The following CARD14 variants were observed in gnomAD, a reference collection of about 807,000 sequenced individuals.
CARD14 encodes caspase recruitment domain family member 14.
A neutral mutation model predicts 111.5 loss-of-function variants in CARD14; 107 were observed. The ratio of observed to expected loss-of-function variants is 0.96; its 90% confidence interval spans 0.82 to 1.13. The LOEUF (loss-of-function observed/expected upper bound fraction) is 1.13, where lower values mean the gene tolerates loss of function less well. CARD14 is among the 50% of genes most tolerant of loss of function. The probability of loss-of-function intolerance (pLI) is 0.00; values close to 1 mark genes in which losing one functional copy is unlikely to be tolerated. For missense variants in CARD14, 1,322 were observed against 1,362.3 expected (o/e 0.97, Z 0.47); for synonymous variants, 617 against 579.6 (o/e 1.06, Z -0.93).
chr17:80,190,043 G>A (rs947437472), intron 9 of CARD14, among the ~76,000 whole-genome samples, 171 bp downstream of exon 9: 6 of 152,008 alleles, frequency 3.9e-5, no homozygotes, highest in African/African-American at 7.2e-5. Context: ...CCTAAGCACC[G>A]ACTCGCACCC....
At chr17:80,177,742 A>G (rs776942645) in intron 2 of CARD14, among the ~76,000 whole-genome samples, 12 of 152,212 alleles carry the variant, frequency 7.9e-5, no homozygotes, top group Non-Finnish European at 1.8e-4. Context: ...ACAAGGTCTC[A>G]CTGTGTTGCC....
chr17:80,187,108 C>T (rs114342049), intron 7 of CARD14, among the ~76,000 whole-genome samples: 1,875 of 152,372 alleles, frequency 0.012, 44 homozygotes, highest in African/African-American at 0.042. Context: ...CCATGCCCTG[C>T]GGCTTTTTCT....
chr17:80,194,837 T>G (rs1322071567), intron 12 of CARD14, among the ~76,000 whole-genome samples: 1 of 152,170 alleles, frequency 6.6e-6, no homozygotes, highest in Admixed American at 6.5e-5. Context: ...CATGTGGGGA[T>G]TATTACAATT....
At position 80,198,590 on chromosome 17, in the gene CARD14, T is replaced by C. The variant is rs145521869; in HGVS notation, c.1850T>C (p.Met617Thr). The change falls in exon 16 of 24, where the codon ATG (methionine) becomes ACG (threonine). Residue 617 changes from methionine to threonine, a missense_variant and splice_region_variant. Met to Thr is a moderately conservative substitution (Grantham distance 81, BLOSUM62 -1). Transcript: ENST00000648509. The surrounding 1 kb of genome is among the most constrained non-coding windows in gnomAD (Gnocchi z 7.5). ...MALRPGTQIV[M>T]VDYEASEPLF... ...TTGCGCCCGGGCACCCAGATTGTGA[T>C]GGTGAGCCGTGCGAGGCCCCTCCTG... The C allele has an allele frequency of 2.7e-5, 43 of 1,611,738 alleles. No individual in the cohort carries two copies. Among genetic ancestry groups the C allele is most frequent in the Middle Eastern group, 1.7e-4 (1 of 6,058 alleles).
intron 2 of CARD14, among the ~76,000 whole-genome samples, chr17:80,174,443 C>A (rs1016544141): frequency 6.6e-6 from 1 of 152,116 alleles, no homozygotes; most frequent in African/African-American, 2.4e-5. Context: ...GAACTCCTGA[C>A]CTCAGGCGAC....
rs555432227 is a variant in CARD14 at position 80,198,034 on chromosome 17, A to T, written c.1595-65A>T. 28 of 1,507,756 alleles carry T rather than the reference A, an allele frequency of 1.9e-5. No individual in the cohort carries two copies. In the South Asian group the frequency reaches 3.2e-4, roughly 17 times the overall value. The allele number at this position is 1,507,756 out of a possible 1,614,324, so 93.4% of individuals were successfully genotyped here. ...GTGAAGAAGGGGCTGAGGTTACAGGAGGTTACAGGACGCCCCATCAGCAGT... is the reference window on the plus strand; with the variant it reads ...GTGAAGAAGGGGCTGAGGTTACAGGTGGTTACAGGACGCCCCATCAGCAGT... On this transcript the variant is annotated intron_variant, in intron 14 of 23. Transcript: ENST00000648509. This position sits in a 1 kb window ranked among gnomAD's most constrained non-coding sequence, Gnocchi z 7.5.
intron 4 of CARD14, 108 bp downstream of exon 4, chr17:80,179,409 G>A (rs746206555): frequency 6.6e-6 from 1 of 152,228 alleles, no homozygotes; most frequent in South Asian, 2.1e-4. Context: ...AAGCCGTACA[G>A]CCTTGCACAG....
Position 80,184,033 on chromosome 17 carries a change from A to G in CARD14, c.470A>G (p.Gln157Arg). 1 of 1,587,494 alleles carries G rather than the reference A, an allele frequency of 6.3e-7. No homozygotes were observed. Among genetic ancestry groups the G allele is most frequent in the Non-Finnish European group, 8.6e-7 (1 of 1,166,862 alleles). Residue 157 changes from glutamine (Q) to arginine (R), a missense_variant, in exon 7 of 24, where the codon CAG becomes CGG. Physicochemically the swap from Gln to Arg is conservative, Grantham distance 43. Coordinates refer to ENST00000648509, the MANE Select transcript of CARD14 (RefSeq NM_001366385.1). ...EVLLRRCQQL[Q>R]EHLGLAETRA... is the part of the protein sequence containing the mutation. ...CTGCTGCGGCGGTGCCAGCAGCTGC[A>G]GGAGCACCTGGGCCTGGCCGAGACC...
chr17:80,204,772 C>T, intron 20 of CARD14: 1 of 472,698 alleles, frequency 2.1e-6, no homozygotes, highest in Non-Finnish European at 3.7e-6. Context: ...CTCCCTTGGG[C>T]CTATAGGAAA....
intron 14 of CARD14, among the ~76,000 whole-genome samples, chr17:80,197,771 A>G (rs74000614): frequency 0.011 from 1,719 of 152,344 alleles, 26 homozygotes; most frequent in African/African-American, 0.038. Flanking sequence ...AACTCATTCA[A>G]ATATCACAAA....
rs1350847074 is a variant in CARD14 at position 80,205,580 on chromosome 17, C to T, written c.2619C>T (p.Ile873=). 1.0e-5 allele frequency: 16 copies of T among 1,575,378 alleles called. No homozygotes were observed. Among genetic ancestry groups the T allele is most frequent in the Admixed American group, 1.8e-5 (1 of 54,482 alleles). ...EYEAWSQRGD[I]IQEGEVSGGR... ...AGGCCTGGAGCCAGAGAGGGGACAT[C>T]ATCCAGGAGGGAGAGGTGTCCGGGG... Residue 873 remains isoleucine (I), a synonymous_variant, in exon 22 of 24, where the codon ATC becomes ATT. Transcript: ENST00000648509.
At chr17:80,181,780 G>A in intron 5 of CARD14, 131 bp downstream of exon 5, 2 of 785,622 alleles carry the variant, frequency 2.5e-6, no homozygotes, top group South Asian at 3.7e-5. Flanking sequence ...TGCCTTTAGG[G>A]CCCACCTGGA....
chr17:80,201,620 T>C lies in CARD14; in HGVS notation c.1852-124T>C, dbSNP rs965005028. 1 of 967,054 alleles carries C rather than the reference T, an allele frequency of 1.0e-6. No homozygotes were observed. Among genetic ancestry groups the C allele is most frequent in the Non-Finnish European group, 1.6e-6 (1 of 607,050 alleles). 59.9% of individuals were successfully genotyped at this position (967,054 alleles called of 1,614,324 possible). Reference sequence around the variant, plus strand: ...GTGTGGCTTTGTTTTGACCAAGGCGTGCAGGCAGTGGTCCTACGGCAGGGC... The same window carrying C: ...GTGTGGCTTTGTTTTGACCAAGGCGCGCAGGCAGTGGTCCTACGGCAGGGC... On this transcript the variant is annotated intron_variant, in intron 16 of 23. Transcript: ENST00000648509. The surrounding 1 kb of genome is among the most constrained non-coding windows in gnomAD (Gnocchi z 5.0).
intron 10 of CARD14, among the ~76,000 whole-genome samples, 179 bp downstream of exon 10, chr17:80,191,078 G>A (rs1367451540): frequency 6.6e-6 from 1 of 152,218 alleles, no homozygotes; most frequent in Non-Finnish European, 1.5e-5. Context: ...TCCACATGCT[G>A]TCTCTATCAT....
chr17:80,176,189 G>A (rs1214916651), intron 2 of CARD14, among the ~76,000 whole-genome samples: 2 of 149,182 alleles, frequency 1.3e-5, no homozygotes, highest in Non-Finnish European at 3.0e-5. Flanking sequence ...TAGCACTTTC[G>A]GAGGCTGAGG....
chr17:80,198,591 G>T lies in CARD14; in HGVS notation c.1851G>T (p.Met617Ile). Residue 617 changes from methionine (M) to isoleucine (I), a missense_variant and splice_region_variant, in exon 16 of 24, where the codon ATG (methionine) becomes ATT (isoleucine). Transcript: ENST00000648509. This position sits in a 1 kb window ranked among gnomAD's most constrained non-coding sequence, Gnocchi z 7.5. ...TGCGCCCGGGCACCCAGATTGTGAT[G>T]GTGAGCCGTGCGAGGCCCCTCCTGT... ...MALRPGTQIV[M>I]VDYEASEPLF... The T allele has an allele frequency of 2.5e-6, 4 of 1,611,800 alleles. No homozygotes were observed. The highest frequency in any genetic ancestry group is 3.4e-6 in the Non-Finnish European group (4 of 1,179,420).
intron 10 of CARD14, 59 bp downstream of exon 10, chr17:80,190,958 G>C: frequency 1.3e-6 from 2 of 1,582,898 alleles, no homozygotes; most frequent in Non-Finnish European, 1.7e-6. Context: ...GGTGAGGGCT[G>C]GTTCCGGGGA....
intron 22 of CARD14, 80 bp from the exon 23 acceptor site, chr17:80,206,890 C>T: frequency 2.0e-6 from 2 of 1,000,552 alleles, no homozygotes; most frequent in East Asian, 2.7e-5. Context: ...CCGGAGGGCC[C>T]TTCTGACCTG....
chr17:80,188,498 G>A lies in CARD14; in HGVS notation c.797G>A (p.Arg266His), dbSNP rs767104415. 9.6e-6 allele frequency: 15 copies of A among 1,565,310 alleles called. No homozygotes were observed. The South Asian group carries it at 1.1e-4, about 11-fold the overall frequency. ...DQESGDEELNRLKEENEKLRS... is the reference protein window; with the variant it reads ...DQESGDEELNHLKEENEKLRS... ...GAGTCCGGGGATGAGGAGCTGAACC[G>A]CCTGAAGGAGGAGAATGAGAAACTG... Residue 266 changes from arginine to histidine, a missense_variant, in exon 8 of 24, where the codon CGC (arginine) becomes CAC (histidine). Physicochemically the swap from Arg to His is conservative, Grantham distance 29. Coordinates refer to ENST00000648509, the MANE Select transcript of CARD14 (RefSeq NM_001366385.1). This position sits in a 1 kb window ranked among gnomAD's most constrained non-coding sequence, Gnocchi z 4.5.
Sources: gnomAD v4.1 joint callset for allele counts (sites outside exome capture counted in the v4.1 genomes callset) on GRCh38, gnomAD v4.1.1 for gene constraint, Gnocchi (gnomAD v3.1) non-coding constraint, MANE v1.5 for transcripts, NCBI Gene and HGNC (gene_info 2026-07-23, HGNC 2026-07-21) for gene names.